GSTCD: variants seen among roughly 807,000 people sequenced by gnomAD.
The protein encoded by GSTCD is glutathione S-transferase C-terminal domain containing, also known as glutathione S-transferase C-terminal domain-containing protein.
A neutral mutation model predicts 68.3 loss-of-function variants in GSTCD; 44 were observed. The observed-to-expected ratio is 0.64, with a 90% CI of 0.51 to 0.83. The LOEUF (loss-of-function observed/expected upper bound fraction) is 0.83. Ranked by LOEUF, GSTCD falls within the 40% of genes least tolerant of loss-of-function variation. The pLI is 0.00. For missense variants in GSTCD, 739 were observed against 735.9 expected (o/e 1.00, Z -0.05); for synonymous variants, 273 against 255.2 (o/e 1.07, Z -0.67).
At chr4:105,742,499 C>T (rs1353506037) in intron 5 of GSTCD, among the ~76,000 whole-genome samples, 1 of 152,174 alleles carries the variant, frequency 6.6e-6, no homozygotes, top group African/African-American at 2.4e-5. Context: ...CTCAACTTCT[C>T]CGTGCCTTGG....
intron 5 of GSTCD, among the ~76,000 whole-genome samples, chr4:105,797,027 T>G (rs183220698): frequency 6.7e-6 from 1 of 149,272 alleles, no homozygotes. Context: ...GAAGAGGAAA[T>G]GATAAGAGAC....
At position 105,808,634 on chromosome 4, in the gene GSTCD, C is replaced by T. The variant is rs1461218011; in HGVS notation, c.1241-14320C>T. On this transcript the variant is annotated intron_variant, in intron 5 of 11. Transcript: ENST00000515279. ...GCTACTTCTTTGATCTTCTCTTCTG[C>T]GGTCTGGAATTCACTAACTGCAGCA... 3.3e-5 allele frequency among the ~76,000 whole-genome samples: 5 copies of T among 152,110 alleles called. 1 individual carries two copies. The South Asian group carries it at 6.2e-4, about 19-fold the overall frequency.
At chr4:105,833,764 A>G (rs1233067133) in intron 8 of GSTCD, among the ~76,000 whole-genome samples, 1 of 134,366 alleles carries the variant, frequency 7.4e-6, no homozygotes, top group Non-Finnish European at 1.6e-5. Context: ...GATATACTTA[A>G]GGATATGTGT....
chr4:105,778,035 G>A (rs986604368), intron 5 of GSTCD, among the ~76,000 whole-genome samples: 1 of 152,072 alleles, frequency 6.6e-6, no homozygotes, highest in East Asian at 1.9e-4. Flanking sequence ...AGTTCTGATT[G>A]TTGGATTAAG....
intron 5 of GSTCD, among the ~76,000 whole-genome samples, chr4:105,740,478 T>C (rs1398281679): frequency 1.3e-5 from 2 of 152,144 alleles, no homozygotes; most frequent in Non-Finnish European, 2.9e-5. Flanking sequence ...ACTTCTTTGA[T>C]GTACTCCAGC....
chr4:105,728,833 A>T (rs1448327131), intron 4 of GSTCD, among the ~76,000 whole-genome samples: 17 of 152,154 alleles, frequency 1.1e-4, no homozygotes, highest in Admixed American at 1.1e-3. Context: ...GATCCTGAAA[A>T]TGTTTTAATA....
intron 5 of GSTCD, among the ~76,000 whole-genome samples, chr4:105,754,454 T>C (rs1734112797): frequency 1.3e-5 from 2 of 152,146 alleles, no homozygotes; most frequent in South Asian, 2.1e-4. Flanking sequence ...GAATTTTGTA[T>C]GCTTATTTGT....
At chr4:105,744,923 T>C (rs1733751214) in intron 5 of GSTCD, among the ~76,000 whole-genome samples, 1 of 152,212 alleles carries the variant, frequency 6.6e-6, no homozygotes, top group South Asian at 2.1e-4. Context: ...CATGTACACA[T>C]ACAAACACAT....
At chr4:105,805,341 A>G (rs1224848173) in intron 5 of GSTCD, among the ~76,000 whole-genome samples, 2 of 152,130 alleles carry the variant, frequency 1.3e-5, no homozygotes, top group African/African-American at 2.4e-5. Context: ...AATAAGAAAA[A>G]ATCTATTACT....
intron 5 of GSTCD, among the ~76,000 whole-genome samples, chr4:105,788,879 C>T (rs1474889575): frequency 6.6e-6 from 1 of 151,832 alleles, no homozygotes; most frequent in East Asian, 1.9e-4. Flanking sequence ...TATTCCTTAA[C>T]CCAAATATGT....
At chr4:105,761,073 G>A (rs932343115) in intron 5 of GSTCD, 9 of 186,958 alleles carry the variant, frequency 4.8e-5, no homozygotes, top group African/African-American at 2.1e-4. Flanking sequence ...GTGTAGTCTC[G>A]GCTCACTGGA....
rs1483338455 is a variant in GSTCD at position 105,719,182 on chromosome 4, T to C, written c.549T>C (p.Leu183=). The change falls in exon 3 of 12, where the codon CTT becomes CTC. Residue 183 remains leucine (L), a synonymous_variant. Transcript: ENST00000515279. The part of the protein sequence containing the change: ...PVEILQLEKK[L]SEPVRVHNDD... Reference sequence around the variant, plus strand: ...AAATACTACAGCTAGAGAAAAAGCTTAGTGAGCCTGTTAGAGTGCATAATG... The same window carrying C: ...AAATACTACAGCTAGAGAAAAAGCTCAGTGAGCCTGTTAGAGTGCATAATG... 1 of 1,613,836 alleles carries C rather than the reference T, an allele frequency of 6.2e-7. No individual in the cohort carries two copies. Among genetic ancestry groups the C allele is most frequent in the East Asian group, 2.2e-5 (1 of 44,900 alleles).
chr4:105,752,570 A>G (rs1734043468), intron 5 of GSTCD, among the ~76,000 whole-genome samples: 1 of 152,112 alleles, frequency 6.6e-6, no homozygotes, highest in Admixed American at 6.5e-5. Flanking sequence ...TGTAGGGTAT[A>G]AAAATTGTCT....
intron 1 of GSTCD, among the ~76,000 whole-genome samples, chr4:105,716,996 G>T (rs749075183): frequency 6.6e-6 from 1 of 152,064 alleles, no homozygotes; most frequent in Non-Finnish European, 1.5e-5. Context: ...TTTGAGGGGT[G>T]GGAGAGAATA....
At chr4:105,769,818 C>CATTT (rs1734771914) in intron 5 of GSTCD, among the ~76,000 whole-genome samples, 2 of 152,134 alleles carry the variant, frequency 1.3e-5, no homozygotes, top group South Asian at 4.1e-4. Context: ...TGCAATGGCA[C>CATTT]ATTTATAGCT....
chr4:105,770,293 A>G (rs1446452390), intron 5 of GSTCD, among the ~76,000 whole-genome samples: 1 of 150,592 alleles, frequency 6.6e-6, no homozygotes, highest in Non-Finnish European at 1.5e-5. Context: ...CTATTTTAGC[A>G]TTTCCCCGCG....
At chr4:105,805,461 T>C (rs752780373) in intron 5 of GSTCD, among the ~76,000 whole-genome samples, 1 of 152,160 alleles carries the variant, frequency 6.6e-6, no homozygotes, top group African/African-American at 2.4e-5. Context: ...GAGAATTTTT[T>C]AATACACAAT....
chr4:105,776,144 C>T (rs984532547), intron 5 of GSTCD, among the ~76,000 whole-genome samples: 3 of 152,178 alleles, frequency 2.0e-5, no homozygotes, highest in Non-Finnish European at 4.4e-5. Flanking sequence ...GTTTATACTG[C>T]GAGGGGAAAA....
At chr4:105,813,625 A>G (rs1032915098) in intron 5 of GSTCD, among the ~76,000 whole-genome samples, 6 of 152,278 alleles carry the variant, frequency 3.9e-5, no homozygotes, top group South Asian at 2.1e-4. Flanking sequence ...CAGACACTCA[A>G]CCAACATTCA....
Sources: gnomAD v4.1 joint callset for allele counts (sites outside exome capture counted in the v4.1 genomes callset) on GRCh38, gnomAD v4.1.1 for gene constraint, MANE v1.5 for transcripts, NCBI Gene and HGNC (gene_info 2026-07-23, HGNC 2026-07-21) for gene names.